Variants in CPA6 observed in about 807,000 individuals in gnomAD.
CPA6 encodes carboxypeptidase A6.
In CPA6, 58 loss-of-function variants were observed where a neutral mutation model predicts 63.3. The ratio of observed to expected loss-of-function variants is 0.92; its 90% CI spans 0.74 to 1.14. The LOEUF is 1.14. Ranked by LOEUF, CPA6 falls within the 50% of genes most tolerant of loss-of-function variation. CPA6 has a pLI of 0.00. For missense variants in CPA6, 565 were observed against 526.6 expected (o/e 1.07, Z -0.71); for synonymous variants, 185 against 179.0 (o/e 1.03, Z -0.27).
chr8:67,487,828 A>G (rs1013775550), intron 6 of CPA6, among the ~76,000 whole-genome samples: 1 of 152,032 alleles, frequency 6.6e-6, no homozygotes, highest in African/African-American at 2.4e-5. Flanking sequence ...GCATTTTTTC[A>G]TGTGTCTTTT....
intron 8 of CPA6, among the ~76,000 whole-genome samples, chr8:67,469,267 T>C (rs1184597804): frequency 6.6e-6 from 1 of 152,088 alleles, no homozygotes; most frequent in Non-Finnish European, 1.5e-5. Flanking sequence ...CAGATTACCC[T>C]CCATAAAGTG....
chr8:67,707,714 C>A (rs574000742), intron 1 of CPA6, among the ~76,000 whole-genome samples: 56 of 152,198 alleles, frequency 3.7e-4, no homozygotes, highest in African/African-American at 1.3e-3. Context: ...CAAGACCAGC[C>A]TGGCCAACAT....
chr8:67,475,731 TTTTC>T (rs753650218), intron 8 of CPA6, among the ~76,000 whole-genome samples: 12 of 151,864 alleles, frequency 7.9e-5, no homozygotes, highest in Non-Finnish European at 1.6e-4. Context: ...CCTTCTCTTT[TTTTC>T]TTTCTTTCCT....
intron 1 of CPA6, among the ~76,000 whole-genome samples, chr8:67,677,927 T>TA (rs1056779790): frequency 1.2e-4 from 18 of 151,006 alleles, no homozygotes; most frequent in African/African-American, 2.2e-4. Context: ...AAAGATTTCT[T>TA]AAAAAAAACA....
chr8:67,657,014 T>C (rs1054386824), intron 1 of CPA6, among the ~76,000 whole-genome samples: 11 of 152,224 alleles, frequency 7.2e-5, no homozygotes, highest in African/African-American at 2.4e-4. Context: ...GTTCTATTTC[T>C]ACCTCCCATC....
At chr8:67,720,533 G>A (rs1361792771) in intron 1 of CPA6, among the ~76,000 whole-genome samples, 3 of 150,884 alleles carry the variant, frequency 2.0e-5, no homozygotes, top group Non-Finnish European at 4.4e-5. Context: ...ACTGAGCTCC[G>A]AACTGTCACC....
chr8:67,703,915 T>A (rs1563400190), intron 1 of CPA6, among the ~76,000 whole-genome samples: 1 of 151,510 alleles, frequency 6.6e-6, no homozygotes, highest in East Asian at 1.9e-4. Flanking sequence ...AGGACCCCAC[T>A]TACATGCTGC....
At chr8:67,594,378 C>T (rs1046186909) in intron 2 of CPA6, among the ~76,000 whole-genome samples, 23 of 152,050 alleles carry the variant, frequency 1.5e-4, no homozygotes, top group Non-Finnish European at 2.1e-4. Flanking sequence ...TTGCTCTTCT[C>T]GAGGAGTATC....
At chr8:67,709,038 G>A (rs371089851) in intron 1 of CPA6, among the ~76,000 whole-genome samples, 2 of 152,198 alleles carry the variant, frequency 1.3e-5, no homozygotes, top group African/African-American at 2.4e-5. Flanking sequence ...AGTTGGGAAA[G>A]TGTGCTCAAG....
chr8:67,651,830 G>A (rs962153574), intron 1 of CPA6, among the ~76,000 whole-genome samples: 9 of 151,966 alleles, frequency 5.9e-5, no homozygotes, highest in Non-Finnish European at 1.0e-4. Context: ...CCATGTTGGT[G>A]TGCTGCACCC....
chr8:67,448,371 T>A (rs1810476537), intron 8 of CPA6, among the ~76,000 whole-genome samples: 1 of 151,640 alleles, frequency 6.6e-6, no homozygotes, highest in Non-Finnish European at 1.5e-5. Context: ...TTGGTCTTGG[T>A]TAAGAAAGTT....
At chr8:67,504,519 G>A (rs563524055) in intron 6 of CPA6, among the ~76,000 whole-genome samples, 52 of 152,270 alleles carry the variant, frequency 3.4e-4, no homozygotes, top group African/African-American at 1.2e-3. Flanking sequence ...GTGAAGCCAG[G>A]TGCCACGTTT....
At chr8:67,582,259 T>A (rs1486518384) in intron 2 of CPA6, among the ~76,000 whole-genome samples, 1 of 152,072 alleles carries the variant, frequency 6.6e-6, no homozygotes, top group Non-Finnish European at 1.5e-5. Flanking sequence ...CCAATATATA[T>A]GGGATGGCTG....
intron 1 of CPA6, among the ~76,000 whole-genome samples, chr8:67,666,781 G>A (rs1296951057): frequency 1.3e-5 from 2 of 152,092 alleles, no homozygotes; most frequent in Non-Finnish European, 2.9e-5. Flanking sequence ...GAAAGGGAAG[G>A]GCCAAAACCG....
intron 2 of CPA6, among the ~76,000 whole-genome samples, chr8:67,553,532 T>A (rs1243149790): frequency 6.6e-6 from 1 of 152,186 alleles, no homozygotes; most frequent in African/African-American, 2.4e-5. Flanking sequence ...TAGAAGTAGT[T>A]TTATGAGCAT....
intron 1 of CPA6, among the ~76,000 whole-genome samples, chr8:67,701,041 G>A (rs1227533833): frequency 1.3e-5 from 2 of 151,966 alleles, no homozygotes; most frequent in East Asian, 1.9e-4. Context: ...AGATACAATC[G>A]TTTCCTCACT....
chr8:67,458,137 C>G (rs1810717971), intron 8 of CPA6, among the ~76,000 whole-genome samples: 2 of 152,264 alleles, frequency 1.3e-5, no homozygotes, highest in Middle Eastern at 3.4e-3. Context: ...AAAAGAAAAA[C>G]TCTAAAACTC....
At chr8:67,734,658 T>C (rs1272648881) in intron 1 of CPA6, among the ~76,000 whole-genome samples, 4 of 152,188 alleles carry the variant, frequency 2.6e-5, no homozygotes, top group African/African-American at 9.7e-5. Flanking sequence ...CTATACAGGC[T>C]CATCCCAAAT....
intron 8 of CPA6, among the ~76,000 whole-genome samples, chr8:67,475,767 CTCTT>C (rs71253008): frequency 0.07 from 4,992 of 71,660 alleles, 422 homozygotes; most frequent in East Asian, 0.086. Flanking sequence ...TTCTTTCTTT[CTCTT>C]TCTTTCTTTC....
Sources: allele counts gnomAD v4.1 joint callset (sites outside exome capture counted in the v4.1 genomes callset), GRCh38; gene constraint gnomAD v4.1.1; transcripts MANE v1.5; gene names NCBI Gene and HGNC (gene_info 2026-07-23, HGNC 2026-07-21).